The following PDS5B variants were observed in gnomAD, a reference collection of about 807,000 sequenced individuals.
PDS5B encodes sister chromatid cohesion protein PDS5 homolog B.
PDS5B carries 51 observed loss-of-function variants against 184.1 expected under a neutral mutation model. The ratio of observed to expected loss-of-function variants is 0.28; its 90% CI spans 0.22 to 0.35. PDS5B has a LOEUF of 0.35. Among genes scored for constraint, PDS5B ranks in the 10% least tolerant of loss-of-function variants. The pLI, the probability that PDS5B is intolerant of heterozygous loss-of-function variation, is 1.00. For synonymous variants in PDS5B, 566 were observed against 569.2 expected, an observed-to-expected ratio of 0.99 and a Z score of 0.08; for missense variants, 1,180 against 1,723.3, an observed-to-expected ratio of 0.68 and a Z score of 5.58.
chr13:32,666,564 T>C (rs776896991), intron 6 of PDS5B, among the ~76,000 whole-genome samples: 7 of 151,684 alleles, frequency 4.6e-5, no homozygotes, highest in Non-Finnish European at 1.0e-4. Context: ...AAATAGCACA[T>C]GTATCCCCAG....
intron 19 of PDS5B, among the ~76,000 whole-genome samples, chr13:32,723,892 A>G (rs935193520): frequency 2.0e-5 from 3 of 152,238 alleles, no homozygotes; most frequent in African/African-American, 7.2e-5. Flanking sequence ...ATTTTCAAAC[A>G]TATACAGAAG....
chr13:32,613,039 A>G (rs2058166500), intron 1 of PDS5B, among the ~76,000 whole-genome samples: 1 of 152,212 alleles, frequency 6.6e-6, no homozygotes, highest in Non-Finnish European at 1.5e-5. Context: ...CATTCAGCGC[A>G]GTTTTCCAAA....
chr13:32,609,460 T>TC (rs2058108409), intron 1 of PDS5B, among the ~76,000 whole-genome samples: 2 of 152,208 alleles, frequency 1.3e-5, no homozygotes, highest in Non-Finnish European at 2.9e-5. Context: ...CATTCCATGT[T>TC]CCCTCTGTCT....
intron 9 of PDS5B, among the ~76,000 whole-genome samples, chr13:32,678,633 A>G (rs1289502381): frequency 6.6e-6 from 1 of 152,188 alleles, no homozygotes; most frequent in Admixed American, 6.5e-5. Context: ...CTCACAGGAG[A>G]TTGCTCTAGT....
intron 8 of PDS5B, among the ~76,000 whole-genome samples, chr13:32,674,116 T>G (rs1242553887): frequency 6.6e-6 from 1 of 152,164 alleles, no homozygotes; most frequent in Non-Finnish European, 1.5e-5. Context: ...CCTGACCGAG[T>G]GAAATTTTTT....
intron 1 of PDS5B, among the ~76,000 whole-genome samples, chr13:32,610,665 A>G (rs1206926419): frequency 6.6e-6 from 1 of 150,936 alleles, no homozygotes; most frequent in Admixed American, 6.6e-5. Context: ...TTTGAGAGAT[A>G]TATAGTGGTT....
At chr13:32,656,084 T>A (rs1164528113) in intron 3 of PDS5B, among the ~76,000 whole-genome samples, 1 of 152,078 alleles carries the variant, frequency 6.6e-6, no homozygotes, top group African/African-American at 2.4e-5. Context: ...GAATAGGGAG[T>A]CCTTTCCTCA....
chr13:32,775,627 A>G lies in PDS5B; in HGVS notation c.*575A>G. The G allele has an allele frequency of 2.2e-6, 1 of 456,120 alleles. No homozygotes were observed. Among genetic ancestry groups the G allele is most frequent in the Non-Finnish European group, 4.4e-6 (1 of 226,606 alleles). The allele number at this position is 456,120 out of a possible 1,614,324, so 28.3% of individuals were successfully genotyped here. On this transcript the variant is annotated 3_prime_UTR_variant, in exon 35 of 35. Coordinates refer to ENST00000315596, the MANE Select transcript of PDS5B (RefSeq NM_015032.4). Reference sequence around the variant, plus strand: ...CACCCTTAATCTTCAGAGGTGCTAAATTGTCTGCCATTACACCAGAAGGAT... The same window carrying G: ...CACCCTTAATCTTCAGAGGTGCTAAGTTGTCTGCCATTACACCAGAAGGAT...
intron 19 of PDS5B, among the ~76,000 whole-genome samples, chr13:32,716,444 G>A (rs1429446909): frequency 6.6e-6 from 1 of 151,720 alleles, no homozygotes; most frequent in African/African-American, 2.4e-5. Context: ...CATCTGAGAA[G>A]TGAGGAGCCC....
intron 18 of PDS5B, among the ~76,000 whole-genome samples, chr13:32,709,118 T>C (rs1200168190): frequency 6.6e-6 from 1 of 152,080 alleles, no homozygotes; most frequent in East Asian, 1.9e-4. Context: ...TTGATTATTT[T>C]AGAAACTTAT....
intron 1 of PDS5B, among the ~76,000 whole-genome samples, chr13:32,587,386 C>G (rs1172113363): frequency 6.6e-6 from 1 of 152,204 alleles, no homozygotes; most frequent in Admixed American, 6.5e-5. Flanking sequence ...GCTTTCCTTT[C>G]AGAAGGAACG....
At position 32,742,684 on chromosome 13, in the gene PDS5B, A is replaced by C. The variant is rs9591299; in HGVS notation, c.2569A>C (p.Ile857Leu). 1.6e-5 allele frequency: 25 copies of C among 1,612,238 alleles called. No homozygotes were observed. The highest frequency in any genetic ancestry group is 2.1e-5 in the Non-Finnish European group (25 of 1,178,570). The change falls in exon 23 of 35, where the codon ATA becomes CTA. Residue 857 changes from isoleucine to leucine, a missense_variant. Ile to Leu is a conservative substitution (Grantham distance 5). Around this residue, in one of 11 missense-constraint regions of PDS5B, gnomAD observed 475 missense variants for 691.5 expected, o/e 0.69. Transcript: ENST00000315596. ...GTSTLRLLTT[I>L]LHSDGDLTEQ... ...TTCTACCTTAAGATTGCTAACAACAATATTGCATAGTGATGGAGACTTGAC... is the reference window on the plus strand; with the variant it reads ...TTCTACCTTAAGATTGCTAACAACACTATTGCATAGTGATGGAGACTTGAC...
At chr13:32,718,122 A>G (rs1157102354) in intron 19 of PDS5B, among the ~76,000 whole-genome samples, 1 of 151,758 alleles carries the variant, frequency 6.6e-6, no homozygotes, top group Non-Finnish European at 1.5e-5. Context: ...TATACAATAG[A>G]TCATTTTTGA....
At chr13:32,639,246 T>C (rs904642918) in intron 1 of PDS5B, among the ~76,000 whole-genome samples, 1 of 152,308 alleles carries the variant, frequency 6.6e-6, no homozygotes, top group Admixed American at 6.5e-5. Flanking sequence ...AGTTAAACTT[T>C]AGTATCTTCC....
At chr13:32,639,399 A>G (rs2058619854) in intron 1 of PDS5B, among the ~76,000 whole-genome samples, 1 of 152,218 alleles carries the variant, frequency 6.6e-6, no homozygotes, top group Non-Finnish European at 1.5e-5. Context: ...TCACTGTTTT[A>G]CCAGAACAAA....
intron 30 of PDS5B, among the ~76,000 whole-genome samples, chr13:32,761,617 T>TG (rs1448406007): frequency 6.6e-6 from 1 of 152,150 alleles, no homozygotes; most frequent in Non-Finnish European, 1.5e-5. Context: ...GTGGCCTTCT[T>TG]GCTGTGAAGT....
intron 19 of PDS5B, 88 bp from the exon 20 acceptor site, chr13:32,732,013 T>C: frequency 9.1e-7 from 1 of 1,104,838 alleles, no homozygotes; most frequent in Non-Finnish European, 1.3e-6. Context: ...TTGTAAATCA[T>C]TACTTAAAAA....
chr13:32,733,371 A>G (rs1030427076), intron 20 of PDS5B, among the ~76,000 whole-genome samples: 1 of 152,176 alleles, frequency 6.6e-6, no homozygotes, highest in Non-Finnish European at 1.5e-5. Flanking sequence ...GGGCCTGGCC[A>G]TTAATTTTGC....
At position 32,587,114 on chromosome 13, in the gene PDS5B, C is replaced by T. The variant is rs1465928217; in HGVS notation, c.-20+521C>T. 4.0e-5 allele frequency among the ~76,000 whole-genome samples: 6 copies of T among 148,404 alleles called. No homozygotes were observed. In the East Asian group the frequency reaches 1.2e-3, roughly 30 times the overall value. On this transcript the variant is annotated intron_variant, in intron 1 of 34. Transcript: ENST00000315596. ...GAATCCTCCCGCGGGCGGGCTTCTC[C>T]CCCTTCCGGGCGAGGGGCGGGCGGG...
Sources: gnomAD v4.1 joint callset for allele counts (sites outside exome capture counted in the v4.1 genomes callset) on GRCh38, gnomAD v4.1.1 for gene constraint, gnomAD v4.1.1 regional missense constraint, MANE v1.5 for transcripts, NCBI Gene and HGNC (gene_info 2026-07-23, HGNC 2026-07-21) for gene names.